Variants in SRPK2 observed in about 807,000 individuals in gnomAD.
SRPK2 encodes SFRS protein kinase 2.
A neutral mutation model predicts 90.8 loss-of-function variants in SRPK2; 21 were observed. The observed-to-expected ratio is 0.23, with a 90% CI of 0.16 to 0.33. SRPK2 has a LOEUF of 0.33. Ranked by LOEUF, SRPK2 falls within the 10% of genes least tolerant of loss-of-function variation. The pLI, the probability that SRPK2 is intolerant of heterozygous loss-of-function variation, is 1.00. For synonymous variants in SRPK2, 288 were observed against 311.1 expected (o/e 0.93, Z 0.78); for missense variants, 620 against 869.0 (o/e 0.71, Z 3.60).
chr7:105,208,874 C>A (rs1173272890), intron 2 of SRPK2, among the ~76,000 whole-genome samples: 1 of 152,148 alleles, frequency 6.6e-6, no homozygotes, highest in Non-Finnish European at 1.5e-5. Context: ...GTAGTCCCAG[C>A]CATTTGGGAC....
chr7:105,116,337 T>C (rs1303772727), downstream of SRPK2: 1 of 152,406 alleles, frequency 6.6e-6, no homozygotes, highest in African/African-American at 2.4e-5. Flanking sequence ...AAATGTTCAT[T>C]GATTCTATCA....
chr7:105,142,674 T>C (rs1156822006), intron 10 of SRPK2, among the ~76,000 whole-genome samples, 184 bp from the exon 11 acceptor site: 1 of 152,196 alleles, frequency 6.6e-6, no homozygotes, highest in African/African-American at 2.4e-5. Context: ...CATTTAGTAA[T>C]TGGCCTGCTC....
intron 11 of SRPK2, among the ~76,000 whole-genome samples, 200 bp from the exon 12 acceptor site, chr7:105,133,304 T>C (rs1466385237): frequency 1.3e-5 from 2 of 152,186 alleles, no homozygotes; most frequent in Non-Finnish European, 2.9e-5. Context: ...AAGAGCAAAC[T>C]GGGCTGCCCA....
intron 2 of SRPK2, among the ~76,000 whole-genome samples, chr7:105,337,341 G>A (rs909171114): frequency 2.0e-5 from 3 of 150,096 alleles, no homozygotes; most frequent in African/African-American, 7.4e-5. Flanking sequence ...TTGAGATGGA[G>A]TCTTGCTCTG....
intron 3 of SRPK2, among the ~76,000 whole-genome samples, chr7:105,202,447 A>G (rs911162430): frequency 6.6e-6 from 1 of 152,210 alleles, no homozygotes; most frequent in East Asian, 1.9e-4. Flanking sequence ...TTGGCTCAGG[A>G]GCTCCAAATT....
intron 2 of SRPK2, among the ~76,000 whole-genome samples, chr7:105,313,658 G>A (rs1811983686): frequency 6.6e-6 from 1 of 151,890 alleles, no homozygotes; most frequent in Non-Finnish European, 1.5e-5. Flanking sequence ...GGCTGAGGGA[G>A]GAGAATCCCT....
chr7:105,197,478 A>G (rs1424023006), intron 3 of SRPK2, among the ~76,000 whole-genome samples: 2 of 152,192 alleles, frequency 1.3e-5, no homozygotes, highest in African/African-American at 2.4e-5. Flanking sequence ...TCATGCCGAC[A>G]TGCCTTCCCC....
rs144156147 is a variant in SRPK2, at chr7:105,258,891, G to A, written c.72-55106C>T. 9.3e-3 allele frequency among the ~76,000 whole-genome samples: 1,411 copies of A among 152,216 alleles called. 11 individuals carry two copies. The highest frequency in any genetic ancestry group is 0.029 in the South Asian group (142 of 4,820). On this transcript the variant is annotated intron_variant, in intron 2 of 15. Transcript: ENST00000393651. ...AGGTATTGATGGAACCTATCTCAAA[G>A]TAATAGGAGTTATTTATGACAAACC... is the stretch of plus-strand genomic sequence containing the variant.
chr7:105,126,338 G>C lies in SRPK2; in HGVS notation c.1825C>G (p.His609Asp), dbSNP rs369044666. ...SGEDYSRDED[H>D]IAHIIELLGS... ...AGCAGCTCTATGATGTGGGCTATGT[G>C]GTCTATGGAGGAGAGAAAAAAAGGA... Residue 609 changes from histidine (H) to aspartate (D), a missense_variant and splice_region_variant, in exon 15 of 16, where the codon CAC becomes GAC. Physicochemically the swap from His to Asp is moderately conservative, Grantham distance 81. This residue lies in a region of SRPK2 where 71 missense variants were observed against 123.1 expected (regional missense o/e 0.58). Coordinates refer to ENST00000393651, the MANE Select transcript of SRPK2 (RefSeq NM_182692.3). 6.2e-7 allele frequency: 1 copy of C among 1,612,002 alleles called. No individual in the cohort carries two copies. The highest frequency in any genetic ancestry group is 8.5e-7 in the Non-Finnish European group (1 of 1,178,280).
intron 2 of SRPK2, among the ~76,000 whole-genome samples, chr7:105,321,192 C>A (rs577919681): frequency 6.6e-6 from 1 of 152,260 alleles, no homozygotes; most frequent in East Asian, 1.9e-4. Context: ...ACAGCAATAA[C>A]AGTCTGCACA....
intron 7 of SRPK2, among the ~76,000 whole-genome samples, chr7:105,152,442 G>A (rs994464165): frequency 6.6e-6 from 1 of 152,170 alleles, no homozygotes; most frequent in African/African-American, 2.4e-5. Context: ...GAGCCACCAT[G>A]CCTGGCCAGA....
chr7:105,322,553 A>G (rs892699063), intron 2 of SRPK2, among the ~76,000 whole-genome samples: 2 of 152,184 alleles, frequency 1.3e-5, no homozygotes, highest in Non-Finnish European at 2.9e-5. Flanking sequence ...ACAAAAATGC[A>G]TATTGGCTCC....
intron 2 of SRPK2, among the ~76,000 whole-genome samples, chr7:105,322,312 G>A (rs1176046282): frequency 2.0e-5 from 3 of 152,152 alleles, no homozygotes; most frequent in Admixed American, 6.5e-5. Context: ...AGTGACTCAG[G>A]AGGCTGAAGC....
At chr7:105,253,070 C>A (rs570898569) in intron 2 of SRPK2, among the ~76,000 whole-genome samples, 5 of 152,244 alleles carry the variant, frequency 3.3e-5, no homozygotes, top group African/African-American at 7.2e-5. Context: ...GTTAGGATTT[C>A]TTTAATCATA....
chr7:105,153,871 C>G (rs758701337), intron 7 of SRPK2, among the ~76,000 whole-genome samples: 14 of 152,242 alleles, frequency 9.2e-5, no homozygotes, highest in Non-Finnish European at 1.6e-4. Flanking sequence ...TGCGGGACAC[C>G]AGAGGGGTTC....
intron 2 of SRPK2, among the ~76,000 whole-genome samples, chr7:105,206,710 C>G (rs1796273109): frequency 6.6e-6 from 1 of 152,072 alleles, no homozygotes; most frequent in African/African-American, 2.4e-5. Flanking sequence ...CTGAGATGTG[C>G]CAGAAGTATA....
chr7:105,316,507 T>TA (rs1171222955), intron 2 of SRPK2, among the ~76,000 whole-genome samples: 1 of 152,188 alleles, frequency 6.6e-6, no homozygotes, highest in Non-Finnish European at 1.5e-5. Flanking sequence ...GCCCACCAGA[T>TA]AAACTACATT....
chr7:105,149,717 A>G (rs1392839066), intron 7 of SRPK2, among the ~76,000 whole-genome samples: 1 of 152,214 alleles, frequency 6.6e-6, no homozygotes, highest in Non-Finnish European at 1.5e-5. Context: ...GCATCTGATC[A>G]ACAGTAAGCT....
In SRPK2 at chr7:105,286,358, ATTAT is replaced by A. The variant is rs559406122; in HGVS notation, c.72-82577_72-82574del. ...TGTCCTCTCTGCTAATCTTAAAACA[ATTAT>A]TTATTAGATTTACTATGCTAAGTGT... On this transcript the variant is annotated intron_variant, in intron 2 of 15. Coordinates refer to ENST00000393651, the MANE Select transcript of SRPK2 (RefSeq NM_182692.3). 9.8e-5 allele frequency among the ~76,000 whole-genome samples: 15 copies of A among 152,304 alleles called. No homozygotes were observed. In the South Asian group the frequency reaches 2.7e-3, roughly 27 times the overall value.
Sources: allele counts gnomAD v4.1 joint callset (sites outside exome capture counted in the v4.1 genomes callset), GRCh38; gene constraint gnomAD v4.1.1; regional missense constraint gnomAD v4.1.1; transcripts MANE v1.5; gene names NCBI Gene and HGNC (gene_info 2026-07-23, HGNC 2026-07-21).